MEAF6: variants seen among roughly 807,000 people sequenced by gnomAD.
MEAF6 encodes MYST/Esa1 associated factor 6, also known as chromatin modification-related protein MEAF6.
In MEAF6, 15 loss-of-function variants were observed where a neutral mutation model predicts 28.9. The ratio of observed to expected loss-of-function variants is 0.52; its 90% CI spans 0.35 to 0.80. The LOEUF (loss-of-function observed/expected upper bound fraction) is 0.80. Among genes scored for constraint, MEAF6 ranks in the 30% least tolerant of loss-of-function variants. The pLI is 0.01. For missense variants in MEAF6, 178 were observed against 237.5 expected (o/e 0.75, Z 1.65); for synonymous variants, 97 against 88.7 (o/e 1.09, Z -0.53).
At chr1:37,499,754 G>A (rs1642236985) in intron 5 of MEAF6, among the ~76,000 whole-genome samples, 1 of 152,226 alleles carries the variant, frequency 6.6e-6, no homozygotes, top group Admixed American at 6.5e-5. Context: ...TCTGGAAGGA[G>A]ATAGCTCCTA....
intron 6 of MEAF6, among the ~76,000 whole-genome samples, chr1:37,495,082 C>T (rs895813809): frequency 6.6e-6 from 1 of 151,946 alleles, no homozygotes; most frequent in Admixed American, 6.6e-5. Context: ...CGCCTGTAAT[C>T]CCAGCACTTT....
rs1313841041 is a variant in MEAF6, at chr1:37,491,062, T to G, written c.*3037A>C. 3.3e-5 allele frequency among the ~76,000 whole-genome samples: 5 copies of G among 152,060 alleles called. No individual in the cohort carries two copies. Among genetic ancestry groups the G allele is most frequent in the Admixed American group, 3.3e-4 (5 of 15,278 alleles). On this transcript the variant is annotated 3_prime_UTR_variant, in exon 7 of 7. Transcript: ENST00000296214. ...ATAAATAAAATAATGCCTCATTAAT[T>G]TGGAGTAAGGTTGGGGGGCATAGAA... is the stretch of plus-strand genomic sequence containing the variant.
chr1:37,496,001 C>A lies in MEAF6; in HGVS notation c.534-83G>T. 3 of 1,130,772 alleles carry A rather than the reference C, an allele frequency of 2.7e-6. No homozygotes were observed. The South Asian group carries it at 3.7e-5, about 14-fold the overall frequency. 70.0% of individuals were successfully genotyped at this position (1,130,772 alleles called of 1,614,324 possible). On this transcript the variant is annotated intron_variant, in intron 5 of 6. Coordinates refer to ENST00000296214, the MANE Select transcript of MEAF6 (RefSeq NM_001270875.3). ...AATCAGCTACTGCATAGGGCATAAG[C>A]TATAACAAAGACTATTTGGTTAAGA...
chr1:37,497,074 CAG>C (rs1553162405), intron 5 of MEAF6, among the ~76,000 whole-genome samples: 2 of 152,042 alleles, frequency 1.3e-5, no homozygotes, highest in Non-Finnish European at 2.9e-5. Flanking sequence ...TTAGAAGAAA[CAG>C]AGAAAGAAAG....
intron 2 of MEAF6, among the ~76,000 whole-genome samples, chr1:37,509,765 TTTATTTATTTAC>T (rs1221386445): frequency 2.0e-5 from 3 of 152,150 alleles, no homozygotes; most frequent in African/African-American, 7.2e-5. Context: ...TTTAAATTTA[TTTATTTATTTAC>T]TTATTTATTT....
chr1:37,504,167 G>A lies in MEAF6; in HGVS notation c.341-2171C>T, dbSNP rs138080411. 2.2e-3 allele frequency among the ~76,000 whole-genome samples: 342 copies of A among 152,228 alleles called. 2 individuals carry two copies. The highest frequency in any genetic ancestry group is 6.9e-3 in the African/African-American group (288 of 41,528). ...AAGTGTTTAGAAGTTCTTCCTTCAT[G>A]CGTGTTCTCTCTCCTACTGCCTTGT... On this transcript the variant is annotated intron_variant, in intron 4 of 6. Coordinates refer to ENST00000296214, the MANE Select transcript of MEAF6 (RefSeq NM_001270875.3).
chr1:37,510,745 G>A (rs1011784261), intron 2 of MEAF6, among the ~76,000 whole-genome samples: 4 of 150,804 alleles, frequency 2.7e-5, no homozygotes, highest in Admixed American at 2.0e-4. Context: ...TTTTTGAGAC[G>A]GAGTTTCACT....
chr1:37,495,325 C>T (rs931462492), intron 6 of MEAF6, among the ~76,000 whole-genome samples: 18 of 142,384 alleles, frequency 1.3e-4, no homozygotes, highest in African/African-American at 4.4e-4. Flanking sequence ...AGCAAGACTC[C>T]GTCTCAAAAA....
In MEAF6 at chr1:37,492,859, T is replaced by A. The variant is rs376753608; in HGVS notation, c.*1240A>T. 5.9e-5 allele frequency: 9 copies of A among 152,288 alleles called. No homozygotes were observed. The highest frequency in any genetic ancestry group is 1.9e-4 in the African/African-American group (8 of 41,462). The allele number at this position is 152,288 out of a possible 1,614,324, so 9.4% of individuals were successfully genotyped here. ...ATGTAGTGGTTCTCAACCTGGCTTC[T>A]TATCAGAATCCCAGGAACTCTTTTA... On this transcript the variant is annotated 3_prime_UTR_variant, in exon 7 of 7. Transcript: ENST00000296214.
intron 4 of MEAF6, among the ~76,000 whole-genome samples, chr1:37,506,436 T>G (rs1002761415): frequency 1.3e-5 from 2 of 152,218 alleles, no homozygotes; most frequent in Non-Finnish European, 2.9e-5. Context: ...TACAGAGCAG[T>G]GGCACAATCA....
chr1:37,504,697 G>A (rs1381699276), intron 4 of MEAF6, among the ~76,000 whole-genome samples: 2 of 149,688 alleles, frequency 1.3e-5, no homozygotes, highest in Admixed American at 6.7e-5. Context: ...ACTTGAACCC[G>A]GGAGGTGGAG....
rs1237583782 is a variant in MEAF6, at chr1:37,490,499, T to A, written c.*3600A>T. On this transcript the variant is annotated 3_prime_UTR_variant, in exon 7 of 7. Coordinates refer to ENST00000296214, the MANE Select transcript of MEAF6 (RefSeq NM_001270875.3). ...TCCTGCTCTCTCCCCACACTTCACA[T>A]AAACCAGTATAGTCCCCCTGTAGTC... Among the ~76,000 whole-genome samples the A allele has an allele frequency of 6.6e-6, 1 of 152,142 alleles. No homozygotes were observed. The highest frequency in any genetic ancestry group is 1.5e-5 in the Non-Finnish European group (1 of 68,036).
rs1402398136 is a variant in MEAF6, at chr1:37,492,724, C to A, written c.*1375G>T. The A allele has an allele frequency of 3.3e-5, 5 of 152,526 alleles. No individual in the cohort carries two copies. Among genetic ancestry groups the A allele is most frequent in the Non-Finnish European group, 5.9e-5 (4 of 68,024 alleles). The allele number at this position is 152,526 out of a possible 1,614,324, so 9.4% of individuals were successfully genotyped here. A position where few individuals can be genotyped will look rare whatever the true frequency, so the allele number is the denominator to read the frequency against. On this transcript the variant is annotated 3_prime_UTR_variant, in exon 7 of 7. Transcript: ENST00000296214. ...ATACTATTTCTTACAAAGATATAGGCATAAGTCAAGGACTATGACTAACTA... is the reference window on the plus strand; with the variant it reads ...ATACTATTTCTTACAAAGATATAGGAATAAGTCAAGGACTATGACTAACTA...
At position 37,492,517 on chromosome 1, in the gene MEAF6, T is replaced by C. The variant is rs1482147709; in HGVS notation, c.*1582A>G. 1.4e-5 allele frequency: 2 copies of C among 144,156 alleles called. No individual in the cohort carries two copies. The highest frequency in any genetic ancestry group is 1.4e-4 in the Admixed American group (2 of 13,874). The allele number at this position is 144,156 out of a possible 1,614,324, so 8.9% of individuals were successfully genotyped here. On this transcript the variant is annotated 3_prime_UTR_variant, in exon 7 of 7. Coordinates refer to ENST00000296214, the MANE Select transcript of MEAF6 (RefSeq NM_001270875.3). ...TTCCTTAAAAATCCTGACACTGGAG[T>C]TCTGCTACCAAAGACACAGTCAAAG...
intron 6 of MEAF6, among the ~76,000 whole-genome samples, chr1:37,495,492 CAGG>C (rs1283295951): frequency 2.6e-5 from 4 of 151,088 alleles, no homozygotes; most frequent in Non-Finnish European, 4.4e-5. Flanking sequence ...TGCTTAAGTC[CAGG>C]AGTTCCAGAC....
chr1:37,493,801 G>C lies in MEAF6; in HGVS notation c.*298C>G. ...TGAAGCTGGTGCCAGCCAGTTTTGG[G>C]GGAGACATTCATTCTAAGAAGGGAG... On this transcript the variant is annotated 3_prime_UTR_variant, in exon 7 of 7. Transcript: ENST00000296214. The C allele has an allele frequency of 1.3e-6, 2 of 1,550,828 alleles. No individual in the cohort carries two copies. The highest frequency in any genetic ancestry group is 2.7e-5 in the African/African-American group (2 of 73,142).
chr1:37,498,363 TA>T (rs914890909), intron 5 of MEAF6, among the ~76,000 whole-genome samples: 14 of 151,692 alleles, frequency 9.2e-5, no homozygotes, highest in East Asian at 3.9e-4. Flanking sequence ...CTATCTAAAG[TA>T]ATTTTTTATA....
rs959343693 is a variant in MEAF6, at chr1:37,491,034, T to A, written c.*3065A>T. Among the ~76,000 whole-genome samples, 3 of 151,792 alleles carry A rather than the reference T, an allele frequency of 2.0e-5. No individual in the cohort carries two copies. Among genetic ancestry groups the A allele is most frequent in the African/African-American group, 7.3e-5 (3 of 41,276 alleles). On this transcript the variant is annotated 3_prime_UTR_variant, in exon 7 of 7. Coordinates refer to ENST00000296214, the MANE Select transcript of MEAF6 (RefSeq NM_001270875.3). ...AGAGCAAGACTCTGTCTCAAAAAAA[T>A]AAATAAATAAAATAATGCCTCATTA...
rs1287135155 is a variant in MEAF6, at chr1:37,492,203, C to T, written c.*1896G>A. Among the ~76,000 whole-genome samples, 2 of 151,948 alleles carry T rather than the reference C, an allele frequency of 1.3e-5. No homozygotes were observed. The highest frequency in any genetic ancestry group is 2.9e-5 in the Non-Finnish European group (2 of 67,970). On this transcript the variant is annotated 3_prime_UTR_variant, in exon 7 of 7. Coordinates refer to ENST00000296214, the MANE Select transcript of MEAF6 (RefSeq NM_001270875.3). ...GCCACCACGCTCAGCTAATTTTTTG[C>T]ATTTTTAGTAGAGATGGGGTTTCAC...
Sources: gnomAD v4.1 joint callset for allele counts (sites outside exome capture counted in the v4.1 genomes callset) on GRCh38, gnomAD v4.1.1 for gene constraint, MANE v1.5 for transcripts, NCBI Gene and HGNC (gene_info 2026-07-23, HGNC 2026-07-21) for gene names.